The following NUMB variants were observed in gnomAD, a reference collection of about 807,000 sequenced individuals.
The protein encoded by NUMB is protein numb homolog.
NUMB carries 29 observed loss-of-function variants against 59.7 expected under a neutral mutation model. The ratio of observed to expected loss-of-function variants is 0.49; its 90% CI spans 0.36 to 0.66. The LOEUF is 0.66. Ranked by LOEUF, NUMB falls within the 30% of genes least tolerant of loss-of-function variation. NUMB has a pLI of 0.00. For synonymous variants in NUMB, 288 were observed against 288.2 expected, an observed-to-expected ratio of 1.00 and a Z score of 0.01; for missense variants, 723 against 822.0, an observed-to-expected ratio of 0.88 and a Z score of 1.47.
chr14:73,287,008 G>T (rs769155576), intron 9 of NUMB, 102 bp downstream of exon 9: 1 of 1,105,550 alleles, frequency 9.0e-7, no homozygotes, highest in South Asian at 1.3e-5. Context: ...ATTGCTAAGG[G>T]TTCTCTTTGA....
chr14:73,434,620 C>T (rs1484142409), intron 1 of NUMB, among the ~76,000 whole-genome samples: 1 of 152,084 alleles, frequency 6.6e-6, no homozygotes, highest in Non-Finnish European at 1.5e-5. Flanking sequence ...AATCCCAGCA[C>T]TCTGGGAGGA....
intron 8 of NUMB, among the ~76,000 whole-genome samples, chr14:73,287,710 C>T (rs2139818369): frequency 6.6e-6 from 1 of 152,216 alleles, no homozygotes; most frequent in South Asian, 2.1e-4. Context: ...CAAGATGTTG[C>T]AAATTCCAGC....
intron 4 of NUMB, among the ~76,000 whole-genome samples, chr14:73,335,149 A>G (rs967500261): frequency 7.9e-5 from 12 of 152,008 alleles, no homozygotes; most frequent in Non-Finnish European, 1.3e-4. Context: ...TATTAATAAT[A>G]AAATGAGAAA....
At chr14:73,291,526 C>T (rs1335174857) in intron 8 of NUMB, among the ~76,000 whole-genome samples, 4 of 151,850 alleles carry the variant, frequency 2.6e-5, no homozygotes, top group Admixed American at 6.6e-5. Flanking sequence ...CACAGGCATG[C>T]GCCACCACAC....
chr14:73,387,056 G>C (rs2140090077), intron 2 of NUMB, among the ~76,000 whole-genome samples: 1 of 150,392 alleles, frequency 6.6e-6, no homozygotes, highest in Admixed American at 6.6e-5. Flanking sequence ...AATTTTTTTT[G>C]TATTTTTAGT....
intron 7 of NUMB, among the ~76,000 whole-genome samples, chr14:73,294,209 G>A (rs976498815): frequency 2.6e-5 from 4 of 152,046 alleles, no homozygotes; most frequent in Admixed American, 2.6e-4. Flanking sequence ...AGACATCAGG[G>A]CGTTTTTGTT....
At chr14:73,386,702 A>G (rs1171713615) in intron 2 of NUMB, among the ~76,000 whole-genome samples, 1 of 152,050 alleles carries the variant, frequency 6.6e-6, no homozygotes. Context: ...CCCATTCAAC[A>G]TTTGTTCTAT....
chr14:73,449,822 G>A (rs147853331), intron 1 of NUMB, among the ~76,000 whole-genome samples: 28 of 152,168 alleles, frequency 1.8e-4, no homozygotes, highest in African/African-American at 6.5e-4. Flanking sequence ...TGAGTAGCTG[G>A]GATTACAGGC....
chr14:73,290,607 T>C (rs916368796), intron 8 of NUMB, among the ~76,000 whole-genome samples: 13 of 152,264 alleles, frequency 8.5e-5, no homozygotes, highest in East Asian at 1.9e-4. Context: ...AGATTAAACG[T>C]TGGCAAGAGC....
intron 1 of NUMB, among the ~76,000 whole-genome samples, chr14:73,427,468 A>AAAAAC (rs947661165): frequency 6.6e-6 from 1 of 151,990 alleles, no homozygotes; most frequent in Non-Finnish European, 1.5e-5. Context: ...CTGTCTAGAA[A>AAAAAC]AAAACAAAAC....
At chr14:73,388,489 A>G (rs1174320528) in intron 2 of NUMB, among the ~76,000 whole-genome samples, 1 of 152,196 alleles carries the variant, frequency 6.6e-6, no homozygotes, top group Non-Finnish European at 1.5e-5. Context: ...TAAGTTATTT[A>G]TATAGAATAA....
chr14:73,289,197 CCAAA>C (rs77898296), intron 8 of NUMB, among the ~76,000 whole-genome samples: 23,684 of 151,994 alleles, frequency 0.16, 2,640 homozygotes, highest in Non-Finnish European at 0.23. Context: ...TACCTCCCAA[CCAAA>C]CACAGGCAAA....
intron 3 of NUMB, among the ~76,000 whole-genome samples, chr14:73,358,543 T>C (rs369475592): frequency 1.3e-5 from 2 of 151,804 alleles, no homozygotes; most frequent in Non-Finnish European, 2.9e-5. Context: ...CATGTCTGGT[T>C]AAAGTCTACT....
chr14:73,292,709 T>C (rs1440379378), intron 8 of NUMB, 25 bp downstream of exon 8: 3 of 1,612,512 alleles, frequency 1.9e-6, no homozygotes, highest in Non-Finnish European at 2.5e-6. Context: ...ATACTCATCA[T>C]GAAATACATA....
chr14:73,406,459 G>A lies in NUMB; in HGVS notation c.-101+3478C>T, dbSNP rs554425556. 1.4e-4 allele frequency among the ~76,000 whole-genome samples: 22 copies of A among 152,142 alleles called. No homozygotes were observed. The East Asian group carries it at 4.1e-3, about 28-fold the overall frequency. ...TTATGGCTGCATAGTATTCCATGGT[G>A]TCTATGTGCCACATTTTCTTAATCC... On this transcript the variant is annotated intron_variant, in intron 2 of 12. Transcript: ENST00000555238.
chr14:73,425,615 T>C (rs1040386480), intron 1 of NUMB, among the ~76,000 whole-genome samples: 4 of 152,164 alleles, frequency 2.6e-5, no homozygotes, highest in African/African-American at 9.7e-5. Context: ...GGGGTTACTA[T>C]ATAACTGTCT....
At chr14:73,340,673 T>C (rs1005225815) in intron 4 of NUMB, among the ~76,000 whole-genome samples, 1 of 152,232 alleles carries the variant, frequency 6.6e-6, no homozygotes, top group African/African-American at 2.4e-5. Context: ...GAAGAAAATG[T>C]AGCACATTAC....
At chr14:73,320,696 C>A (rs1473665547) in intron 5 of NUMB, among the ~76,000 whole-genome samples, 3 of 152,048 alleles carry the variant, frequency 2.0e-5, no homozygotes, top group Admixed American at 1.3e-4. Flanking sequence ...TCTGTATATT[C>A]ATTCTAGAAG....
At chr14:73,377,439 G>C (rs960395214) in intron 2 of NUMB, among the ~76,000 whole-genome samples, 2 of 152,052 alleles carry the variant, frequency 1.3e-5, no homozygotes, top group East Asian at 1.9e-4. Flanking sequence ...TCCAGAGTTC[G>C]AGACCAGCCT....
Sources: allele counts gnomAD v4.1 joint callset (sites outside exome capture counted in the v4.1 genomes callset), GRCh38; gene constraint gnomAD v4.1.1; transcripts MANE v1.5; gene names NCBI Gene and HGNC (gene_info 2026-07-23, HGNC 2026-07-21).